The following CPED1 variants were observed in gnomAD, a reference collection of about 807,000 sequenced individuals.
CPED1 encodes cadherin like and PC-esterase domain containing 1.
CPED1 carries 114 observed loss-of-function variants against 128.2 expected under a neutral mutation model. The ratio of observed to expected loss-of-function variants is 0.89; its 90% CI spans 0.76 to 1.04. The LOEUF is 1.04. Among genes scored for constraint, CPED1 ranks in the 50% least tolerant of loss-of-function variants. The probability of loss-of-function intolerance (pLI) is 0.00; values close to 1 mark genes in which losing one functional copy is unlikely to be tolerated. For missense variants in CPED1, 1,211 were observed against 1,207.1 expected (o/e 1.00, Z -0.05); for synonymous variants, 462 against 426.7 (o/e 1.08, Z -1.02).
chr7:121,274,946 ATCTT>A (rs1792303212), intron 22 of CPED1, among the ~76,000 whole-genome samples: 1 of 152,170 alleles, frequency 6.6e-6, no homozygotes, highest in African/African-American at 2.4e-5. Context: ...CTCTGTGCTC[ATCTT>A]ATGAGCCTGG....
chr7:121,055,852 T>C (rs953707441), intron 4 of CPED1, among the ~76,000 whole-genome samples: 3 of 152,052 alleles, frequency 2.0e-5, no homozygotes, highest in Admixed American at 6.5e-5. Flanking sequence ...ACTTGTTTCC[T>C]GGATATTTCA....
At chr7:121,160,208 C>T (rs953914975) in intron 16 of CPED1, among the ~76,000 whole-genome samples, 2 of 151,960 alleles carry the variant, frequency 1.3e-5, no homozygotes, top group African/African-American at 4.8e-5. Flanking sequence ...TGCATCATTA[C>T]ATTACATCAC....
intron 5 of CPED1, among the ~76,000 whole-genome samples, chr7:121,065,408 G>A (rs1793805943): frequency 6.6e-6 from 1 of 151,830 alleles, no homozygotes; most frequent in Non-Finnish European, 1.5e-5. Context: ...AATGTTTTGG[G>A]GAGAAGCAAA....
chr7:121,221,858 C>T (rs1266115214), intron 16 of CPED1, among the ~76,000 whole-genome samples: 1 of 151,982 alleles, frequency 6.6e-6, no homozygotes, highest in Non-Finnish European at 1.5e-5. Context: ...GGATATTAGC[C>T]CTTTGTCAGA....
chr7:121,248,393 A>AT lies in CPED1; in HGVS notation c.2310+4056dup, dbSNP rs1207120605. ...AGTGATTAAAGGGGGCTCCCCAAAG[A>AT]TGTAGGAGCAGGACTAATGAGAGGA... On this transcript the variant is annotated intron_variant, in intron 18 of 22. Coordinates refer to ENST00000310396, the MANE Select transcript of CPED1 (RefSeq NM_024913.5). Among the ~76,000 whole-genome samples, 10 of 152,248 alleles carry AT rather than the reference A, an allele frequency of 6.6e-5. No individual in the cohort carries two copies. In the East Asian group the frequency reaches 1.9e-3, roughly 29 times the overall value.
At chr7:121,078,690 G>A (rs973251445) in intron 5 of CPED1, among the ~76,000 whole-genome samples, 5 of 152,040 alleles carry the variant, frequency 3.3e-5, no homozygotes, top group Non-Finnish European at 7.4e-5. Flanking sequence ...CAGAAATGCA[G>A]CCACTTCCTT....
chr7:120,998,867 G>A (rs1796454300), intron 2 of CPED1, among the ~76,000 whole-genome samples: 1 of 151,826 alleles, frequency 6.6e-6, no homozygotes, highest in African/African-American at 2.4e-5. Flanking sequence ...TGTTATAGCT[G>A]GGGATGGGGA....
At chr7:121,075,585 C>T (rs1398669501) in intron 5 of CPED1, among the ~76,000 whole-genome samples, 1 of 152,080 alleles carries the variant, frequency 6.6e-6, no homozygotes, top group Non-Finnish European at 1.5e-5. Flanking sequence ...GCCTCAGCCT[C>T]CTGAGTAGCT....
chr7:121,295,459 C>A lies in CPED1; in HGVS notation c.2888C>A (p.Ser963Tyr). 3.7e-6 allele frequency: 6 copies of A among 1,611,912 alleles called. No individual in the cohort carries two copies. The highest frequency in any genetic ancestry group is 5.1e-6 in the Non-Finnish European group (6 of 1,178,954). Residue 963 changes from serine to tyrosine, a missense_variant, in exon 23 of 23, where the codon TCC (serine) becomes TAC (tyrosine). Coordinates refer to ENST00000310396, the MANE Select transcript of CPED1 (RefSeq NM_024913.5). ...TTACAGGTAGTGAAATCAAAGTTATCCAAAGAATATAACTTTATTAAAATG... is the reference window on the plus strand; with the variant it reads ...TTACAGGTAGTGAAATCAAAGTTATACAAAGAATATAACTTTATTAAAATG... ...HFHEVVKSKLSKEYNFIKMKR... is the reference protein window; with the variant it reads ...HFHEVVKSKLYKEYNFIKMKR...
At position 121,008,293 on chromosome 7, in the gene CPED1, C is replaced by T. The variant is rs932970954; in HGVS notation, c.250-7372C>T. Among the ~76,000 whole-genome samples the T allele has an allele frequency of 2.5e-4, 38 of 152,144 alleles. 1 individual carries two copies. Among genetic ancestry groups the T allele is most frequent in the African/African-American group, 9.2e-4 (38 of 41,426 alleles). On this transcript the variant is annotated intron_variant, in intron 2 of 22. Transcript: ENST00000310396. ...CCTTTAAATTCTCCACTACTCACCG[C>T]ATTTAGGTTTCCTACTAGCTACTTA...
At chr7:121,194,022 C>CTA (rs1231718616) in intron 16 of CPED1, among the ~76,000 whole-genome samples, 10 of 74,748 alleles carry the variant, frequency 1.3e-4, no homozygotes, top group African/African-American at 4.8e-4. Flanking sequence ...CTCTCTCTCT[C>CTA]TATATATATA....
intron 16 of CPED1, among the ~76,000 whole-genome samples, chr7:121,174,974 T>C (rs6466771): frequency 0.99 from 150,747 of 152,160 alleles, 74,692 homozygotes; most frequent in Middle Eastern, 1. Flanking sequence ...GTAATTTATT[T>C]GGTGAAAATT....
At chr7:121,097,906 A>C (rs1794740377) in intron 6 of CPED1, 75 bp downstream of exon 6, 13 of 1,443,788 alleles carry the variant, frequency 9.0e-6, no homozygotes, top group Non-Finnish European at 1.2e-5. Context: ...AGCACAGAAC[A>C]GATATGGGGG....
At chr7:121,087,682 G>GTTTTTTTTTA (rs1794466437) in intron 5 of CPED1, among the ~76,000 whole-genome samples, 2 of 111,580 alleles carry the variant, frequency 1.8e-5, no homozygotes, top group African/African-American at 4.1e-5. Context: ...TTTTTTTTTG[G>GTTTTTTTTTA]CAGAGTCTTT....
intron 16 of CPED1, among the ~76,000 whole-genome samples, chr7:121,212,430 G>GC (rs1797666987): frequency 6.6e-6 from 1 of 152,010 alleles, no homozygotes; most frequent in Non-Finnish European, 1.5e-5. Flanking sequence ...CCCTGTCTCT[G>GC]TTTTTTCCTC....
At chr7:121,050,949 G>A (rs1793335844) in intron 4 of CPED1, 1 of 497,882 alleles carries the variant, frequency 2.0e-6, no homozygotes, top group Non-Finnish European at 4.1e-6. Context: ...TCAAGGAAGA[G>A]CCCAAGAGGA....
intron 11 of CPED1, among the ~76,000 whole-genome samples, chr7:121,129,293 A>ATATATATATATACACG (rs1554438760): frequency 2.2e-4 from 3 of 13,418 alleles, no homozygotes; most frequent in African/African-American, 5.0e-4. Context: ...ATATGTATAT[A>ATATATATATATACACG]TATATATATA....
chr7:121,210,730 A>G (rs1451669554), intron 16 of CPED1, among the ~76,000 whole-genome samples: 1 of 151,962 alleles, frequency 6.6e-6, no homozygotes, highest in Non-Finnish European at 1.5e-5. Flanking sequence ...AATGAATAAG[A>G]TCTAGTATTT....
chr7:121,271,928 A>G (rs1792239455), intron 22 of CPED1, among the ~76,000 whole-genome samples: 1 of 152,106 alleles, frequency 6.6e-6, no homozygotes, highest in Non-Finnish European at 1.5e-5. Flanking sequence ...TAACCTATAA[A>G]TAGGCTAAGC....
Sources: allele counts gnomAD v4.1 joint callset (sites outside exome capture counted in the v4.1 genomes callset), GRCh38; gene constraint gnomAD v4.1.1; transcripts MANE v1.5; gene names NCBI Gene and HGNC (gene_info 2026-07-23, HGNC 2026-07-21).